The following CDH13 variants were observed in gnomAD, a reference collection of about 807,000 sequenced individuals.
The protein encoded by CDH13 is cadherin 13.
A neutral mutation model predicts 63.8 loss-of-function variants in CDH13; 24 were observed. The ratio of observed to expected loss-of-function variants is 0.38; its 90% CI spans 0.27 to 0.53. The LOEUF (loss-of-function observed/expected upper bound fraction) is 0.53. Ranked by LOEUF, CDH13 falls within the 20% of genes least tolerant of loss-of-function variation. The pLI is 0.85. For synonymous variants in CDH13, 503 were observed against 355.3 expected (o/e 1.42, Z -4.67); for missense variants, 1,049 against 903.1 (o/e 1.16, Z -2.07).
intron 2 of CDH13, among the ~76,000 whole-genome samples, chr16:82,897,112 G>A (rs1057139823): frequency 1.3e-5 from 2 of 152,118 alleles, no homozygotes; most frequent in African/African-American, 4.8e-5. Context: ...AATTCTGGGA[G>A]TGCTGTCAGA....
At chr16:83,618,654 T>C (rs1162624891) in intron 8 of CDH13, among the ~76,000 whole-genome samples, 1 of 152,070 alleles carries the variant, frequency 6.6e-6, no homozygotes, top group East Asian at 1.9e-4. Flanking sequence ...GCCGAGACAG[T>C]TGGAGTTAAA....
chr16:82,860,930 C>G (rs556770486), intron 2 of CDH13, among the ~76,000 whole-genome samples: 2 of 152,296 alleles, frequency 1.3e-5, no homozygotes, highest in East Asian at 1.9e-4. Flanking sequence ...TCCCCTCTCT[C>G]TCATTCTCAG....
intron 5 of CDH13, among the ~76,000 whole-genome samples, chr16:83,314,960 A>G (rs961775409): frequency 1.1e-4 from 16 of 152,170 alleles, no homozygotes; most frequent in Non-Finnish European, 1.9e-4. Context: ...TAGCCTTGAA[A>G]AGACTTGGGA....
At chr16:82,953,790 G>C (rs550864136) in intron 2 of CDH13, 7 of 152,284 alleles carry the variant, frequency 4.6e-5, no homozygotes, top group African/African-American at 1.7e-4. Flanking sequence ...CAGGCTTCCA[G>C]ATGGGCCGAG....
chr16:83,464,829 G>C lies in CDH13; in HGVS notation c.782-21648G>C, dbSNP rs914152616. ...GTACAGAAAGTGATAATGTATTTTTGATGGGGTTTCACCAAGTTGCCCAGG... is the reference window on the plus strand; with the variant it reads ...GTACAGAAAGTGATAATGTATTTTTCATGGGGTTTCACCAAGTTGCCCAGG... On this transcript the variant is annotated intron_variant, in intron 6 of 13. Transcript: ENST00000567109. Among the ~76,000 whole-genome samples the C allele has an allele frequency of 2.0e-5, 3 of 152,308 alleles. 1 individual carries two copies. The South Asian group carries it at 6.2e-4, about 32-fold the overall frequency.
intron 5 of CDH13, among the ~76,000 whole-genome samples, chr16:83,280,393 T>C (rs147378638): frequency 0.014 from 2,192 of 152,334 alleles, 52 homozygotes; most frequent in African/African-American, 0.05. Context: ...TGTTTTATGA[T>C]GAGATGGCAG....
chr16:83,231,211 A>G (rs1337039641), intron 5 of CDH13, among the ~76,000 whole-genome samples: 13 of 152,194 alleles, frequency 8.5e-5, no homozygotes, highest in Admixed American at 5.9e-4. Flanking sequence ...CCTCTTCTCT[A>G]TGAAGAATTC....
At chr16:82,966,349 C>CCG (rs1907823099) in intron 2 of CDH13, among the ~76,000 whole-genome samples, 1 of 151,702 alleles carries the variant, frequency 6.6e-6, no homozygotes, top group Non-Finnish European at 1.5e-5. Flanking sequence ...TGGGGTTTCA[C>CCG]TGTTGGCTAG....
intron 6 of CDH13, among the ~76,000 whole-genome samples, chr16:83,352,732 T>C (rs992354923): frequency 6.6e-6 from 1 of 151,966 alleles, no homozygotes; most frequent in Non-Finnish European, 1.5e-5. Flanking sequence ...CTACTAAAAA[T>C]ACAAAAAATT....
intron 6 of CDH13, among the ~76,000 whole-genome samples, chr16:83,436,483 A>C (rs951854930): frequency 6.6e-6 from 1 of 152,124 alleles, no homozygotes; most frequent in African/African-American, 2.4e-5. Flanking sequence ...TTAAAAAAAA[A>C]AAATTATACA....
At chr16:82,729,012 T>C (rs547781449) in intron 1 of CDH13, among the ~76,000 whole-genome samples, 1 of 152,178 alleles carries the variant, frequency 6.6e-6, no homozygotes, top group African/African-American at 2.4e-5. Context: ...TCTGTTCAAG[T>C]TTTATCATGA....
At chr16:83,009,996 A>G (rs1040051689) in intron 2 of CDH13, among the ~76,000 whole-genome samples, 3 of 152,150 alleles carry the variant, frequency 2.0e-5, no homozygotes, top group East Asian at 3.9e-4. Context: ...TTAGCTGGGC[A>G]TGGCGGCACA....
chr16:83,012,297 G>A (rs372428054), intron 2 of CDH13, among the ~76,000 whole-genome samples: 2 of 146,780 alleles, frequency 1.4e-5, no homozygotes, highest in South Asian at 4.3e-4. Flanking sequence ...AAAACAATTT[G>A]GGGGTTGTTT....
chr16:82,855,622 T>C (rs2039651733), intron 1 of CDH13, among the ~76,000 whole-genome samples: 2 of 152,232 alleles, frequency 1.3e-5, no homozygotes, highest in African/African-American at 4.8e-5. Context: ...GCCAGCATTT[T>C]GATTGCTTCC....
chr16:83,385,394 C>G (rs2091653149), intron 6 of CDH13, among the ~76,000 whole-genome samples: 1 of 152,156 alleles, frequency 6.6e-6, no homozygotes, highest in South Asian at 2.1e-4. Flanking sequence ...TAATTTCTTT[C>G]TTTGCAAGAT....
intron 1 of CDH13, chr16:82,826,457 A>T (rs2038258597): frequency 6.6e-6 from 1 of 152,184 alleles, no homozygotes; most frequent in African/African-American, 2.4e-5. Flanking sequence ...TGTAATTGAA[A>T]CATGTTGGTA....
intron 7 of CDH13, among the ~76,000 whole-genome samples, chr16:83,588,667 A>C (rs1377330743): frequency 6.6e-6 from 1 of 152,246 alleles, no homozygotes; most frequent in East Asian, 1.9e-4. Context: ...CTTCTCCGGT[A>C]CTTGATATTT....
At chr16:83,006,458 C>G (rs1231510499) in intron 2 of CDH13, among the ~76,000 whole-genome samples, 1 of 152,082 alleles carries the variant, frequency 6.6e-6, no homozygotes, top group East Asian at 1.9e-4. Context: ...CTTTCAGGGA[C>G]AAATCAAAGG....
chr16:83,482,802 G>A (rs920146161), intron 6 of CDH13, among the ~76,000 whole-genome samples: 32 of 152,226 alleles, frequency 2.1e-4, no homozygotes, highest in Non-Finnish European at 3.7e-4. Flanking sequence ...ACCCAGATCT[G>A]CACACTAAGA....
Sources: allele counts gnomAD v4.1 joint callset (sites outside exome capture counted in the v4.1 genomes callset), GRCh38; gene constraint gnomAD v4.1.1; transcripts MANE v1.5; gene names NCBI Gene and HGNC (gene_info 2026-07-23, HGNC 2026-07-21).